The following ARHGEF38 variants were observed in gnomAD, a reference collection of about 807,000 sequenced individuals.
ARHGEF38 encodes the protein Rho guanine nucleotide exchange factor 38.
Under a neutral mutation model 79.9 loss-of-function variants are expected in ARHGEF38, and 79 were observed. The observed-to-expected ratio is 0.99, with a 90% CI of 0.82 to 1.19. ARHGEF38 has a LOEUF of 1.19. ARHGEF38 is among the 50% of genes most tolerant of loss of function. The pLI is 0.00. For missense variants in ARHGEF38, 962 were observed against 907.2 expected (o/e 1.06, Z -0.78); for synonymous variants, 366 against 328.3 (o/e 1.11, Z -1.24).
intron 1 of ARHGEF38, 74 bp downstream of exon 1, chr4:105,553,035 G>A: frequency 1.6e-6 from 2 of 1,227,358 alleles, no homozygotes. Context: ...CAATTGCAAA[G>A]AAAACACACA....
intron 2 of ARHGEF38, among the ~76,000 whole-genome samples, chr4:105,592,444 A>G (rs1311290336): frequency 6.6e-6 from 1 of 151,914 alleles, no homozygotes; most frequent in Non-Finnish European, 1.5e-5. Flanking sequence ...CAAACTATGG[A>G]CATTACTACC....
intron 1 of ARHGEF38, among the ~76,000 whole-genome samples, chr4:105,580,279 C>T (rs181503108): frequency 3.9e-5 from 6 of 152,134 alleles, no homozygotes; most frequent in Admixed American, 2.0e-4. Context: ...TTTGCTCTTC[C>T]TTCTTTAGCT....
chr4:105,554,178 C>A (rs1429771022), intron 1 of ARHGEF38, among the ~76,000 whole-genome samples: 1 of 151,926 alleles, frequency 6.6e-6, no homozygotes. Context: ...GCAATAGATA[C>A]ATTGGAAAGA....
rs757952103 is a variant in ARHGEF38 at position 105,630,988 on chromosome 4, C to G, written c.599C>G (p.Ser200Cys). 5.6e-6 allele frequency: 9 copies of G among 1,613,542 alleles called. No individual in the cohort carries two copies. The East Asian group carries it at 1.8e-4, about 32-fold the overall frequency. Residue 200 changes from serine to cysteine, a missense_variant, in exon 4 of 14, where the codon TCC becomes TGC. Ser to Cys is a moderately radical substitution (Grantham distance 112). Transcript: ENST00000420470. The part of the protein sequence containing the change: ...HHDEAHSILE[S>C]YEKEEELKEH... ...GATGAAGCACATAGTATACTGGAGT[C>G]CTATGAAAAGGAAGAAGAGCTGAAG...
At chr4:105,577,804 T>C (rs910215133) in intron 1 of ARHGEF38, among the ~76,000 whole-genome samples, 3 of 152,154 alleles carry the variant, frequency 2.0e-5, no homozygotes, top group African/African-American at 7.2e-5. Context: ...ATTGAGCATA[T>C]TTGAATCTTC....
intron 2 of ARHGEF38, among the ~76,000 whole-genome samples, chr4:105,612,036 T>A (rs1163356051): frequency 6.6e-6 from 1 of 152,070 alleles, no homozygotes; most frequent in Non-Finnish European, 1.5e-5. Flanking sequence ...TTTGAAAAGG[T>A]GCCATGTGAA....
At chr4:105,562,309 G>A (rs1168157266) in intron 1 of ARHGEF38, among the ~76,000 whole-genome samples, 2 of 152,058 alleles carry the variant, frequency 1.3e-5, no homozygotes, top group East Asian at 1.9e-4. Context: ...TCTCCTTGGG[G>A]AAAAAGACTT....
At chr4:105,561,347 A>G (rs1350236606) in intron 1 of ARHGEF38, among the ~76,000 whole-genome samples, 1 of 151,878 alleles carries the variant, frequency 6.6e-6, no homozygotes, top group African/African-American at 2.4e-5. Flanking sequence ...AGTTACAGTA[A>G]GCTGAGATCA....
At chr4:105,575,923 T>C (rs1031953538) in intron 1 of ARHGEF38, among the ~76,000 whole-genome samples, 1 of 152,206 alleles carries the variant, frequency 6.6e-6, no homozygotes, top group Non-Finnish European at 1.5e-5. Context: ...TCCCAATTTA[T>C]GTTTTTGTAT....
At chr4:105,579,841 G>A (rs1454155600) in intron 1 of ARHGEF38, among the ~76,000 whole-genome samples, 1 of 152,126 alleles carries the variant, frequency 6.6e-6, no homozygotes, top group African/African-American at 2.4e-5. Flanking sequence ...TTTGAATTTG[G>A]CTGTGAATCC....
chr4:105,667,138 C>T lies in ARHGEF38; in HGVS notation c.1699C>T (p.Pro567Ser), dbSNP rs1411181288. The T allele has an allele frequency of 1.3e-6, 2 of 1,530,492 alleles. No individual in the cohort carries two copies. Among genetic ancestry groups the T allele is most frequent in the Admixed American group, 2.0e-5 (1 of 50,748 alleles). 94.8% of individuals were successfully genotyped at this position (1,530,492 alleles called of 1,614,324 possible). A position where few individuals can be genotyped will look rare whatever the true frequency, so the allele number is the denominator to read the frequency against. Residue 567 changes from proline to serine, a missense_variant, in exon 12 of 14, where the codon CCA becomes TCA. Physicochemically the swap from Pro to Ser is moderately conservative, Grantham distance 74. Coordinates refer to ENST00000420470, the MANE Select transcript of ARHGEF38 (RefSeq NM_001242729.2). ...TCCTTATTTCTCCCAGCCAGAAATG[C>T]CACATCAAACTGACATTCATCGCTC... is the stretch of plus-strand genomic sequence containing the variant. ...KKPVQILPEM[P>S]HQTDIHRSKL...
chr4:105,647,748 G>A (rs566606418), intron 6 of ARHGEF38, among the ~76,000 whole-genome samples: 6 of 152,238 alleles, frequency 3.9e-5, no homozygotes, highest in Non-Finnish European at 7.4e-5. Context: ...CATTATGAAA[G>A]GTGAAAATGA....
Position 105,667,147 on chromosome 4 carries a change from A to G in ARHGEF38, c.1708A>G (p.Thr570Ala), listed in dbSNP as rs1326239839. The G allele has an allele frequency of 6.5e-7, 1 of 1,533,544 alleles. No individual in the cohort carries two copies. Among genetic ancestry groups the G allele is most frequent in the Non-Finnish European group, 8.7e-7 (1 of 1,145,104 alleles). 95.0% of individuals were successfully genotyped at this position (1,533,544 alleles called of 1,614,324 possible). A position where few individuals can be genotyped will look rare whatever the true frequency, so the allele number is the denominator to read the frequency against. Residue 570 changes from threonine to alanine, a missense_variant, in exon 12 of 14, where the codon ACT (threonine) becomes GCT (alanine). Transcript: ENST00000420470. ...VQILPEMPHQTDIHRSKLLST... is the reference protein window; with the variant it reads ...VQILPEMPHQADIHRSKLLST... The stretch of plus-strand genomic sequence containing the variant: ...CTCCCAGCCAGAAATGCCACATCAA[A>G]CTGACATTCATCGCTCCAAACTTCT...
intron 10 of ARHGEF38, among the ~76,000 whole-genome samples, chr4:105,660,252 C>T (rs1730508116): frequency 6.6e-6 from 1 of 152,132 alleles, no homozygotes; most frequent in Non-Finnish European, 1.5e-5. Flanking sequence ...CTCTCATCCC[C>T]ATTTTTGTTA....
intron 1 of ARHGEF38, among the ~76,000 whole-genome samples, chr4:105,553,556 G>C (rs1224993198): frequency 6.6e-6 from 1 of 152,144 alleles, no homozygotes; most frequent in African/African-American, 2.4e-5. Flanking sequence ...GAAATGTTTA[G>C]CATGCTTATT....
intron 3 of ARHGEF38, among the ~76,000 whole-genome samples, chr4:105,614,326 G>A (rs1728428789): frequency 6.6e-6 from 1 of 152,092 alleles, no homozygotes; most frequent in African/African-American, 2.4e-5. Flanking sequence ...TAGAGTAACG[G>A]TAAAATTTCC....
At chr4:105,595,997 C>A (rs182560045) in intron 2 of ARHGEF38, among the ~76,000 whole-genome samples, 50 of 152,144 alleles carry the variant, frequency 3.3e-4, no homozygotes, top group African/African-American at 1.1e-3. Flanking sequence ...CCACAAATAA[C>A]AAATATGAAA....
intron 2 of ARHGEF38, among the ~76,000 whole-genome samples, chr4:105,595,145 G>A (rs1203778145): frequency 2.0e-5 from 3 of 152,180 alleles, no homozygotes; most frequent in African/African-American, 7.2e-5. Context: ...TCTCAAGGGG[G>A]CTATAGAATT....
intron 1 of ARHGEF38, among the ~76,000 whole-genome samples, chr4:105,576,941 A>C (rs901518548): frequency 6.6e-6 from 1 of 152,146 alleles, no homozygotes; most frequent in African/African-American, 2.4e-5. Context: ...ATGTTTAACC[A>C]TCTCGGCAAC....
Sources: allele counts gnomAD v4.1 joint callset (sites outside exome capture counted in the v4.1 genomes callset), GRCh38; gene constraint gnomAD v4.1.1; transcripts MANE v1.5; gene names NCBI Gene and HGNC (gene_info 2026-07-23, HGNC 2026-07-21).